The following EPHA3 variants were observed in gnomAD, a reference collection of about 807,000 sequenced individuals.
EPHA3 encodes the protein ephrin type-A receptor 3.
EPHA3 carries 42 observed loss-of-function variants against 107.1 expected under a neutral mutation model. The ratio of observed to expected loss-of-function variants is 0.39; its 90% confidence interval spans 0.31 to 0.51. EPHA3 has a LOEUF of 0.51. Ranked by LOEUF, EPHA3 falls within the 20% of genes least tolerant of loss-of-function variation. The probability of loss-of-function intolerance (pLI) is 0.78; values close to 1 mark genes in which losing one functional copy is unlikely to be tolerated. For synonymous variants in EPHA3, 461 were observed against 424.8 expected, an observed-to-expected ratio of 1.09 and a Z score of -1.05; for missense variants, 1,183 against 1,211.2, an observed-to-expected ratio of 0.98 and a Z score of 0.35.
intron 6 of EPHA3, among the ~76,000 whole-genome samples, chr3:89,398,892 G>A (rs555598964): frequency 5.0e-4 from 76 of 152,202 alleles, no homozygotes; most frequent in Non-Finnish European, 9.0e-4. Flanking sequence ...CACTTTGGGC[G>A]GCCGAGGCAG....
chr3:89,176,347 C>T (rs533844416), intron 2 of EPHA3, among the ~76,000 whole-genome samples: 29 of 151,228 alleles, frequency 1.9e-4, no homozygotes, highest in Admixed American at 4.0e-4. Flanking sequence ...TAGCTGGGTG[C>T]GGTGGTGCAT....
At chr3:89,320,009 T>C (rs1707005999) in intron 3 of EPHA3, among the ~76,000 whole-genome samples, 1 of 151,898 alleles carries the variant, frequency 6.6e-6, no homozygotes, top group Non-Finnish European at 1.5e-5. Context: ...CAAGTATGTA[T>C]TTAAGCATGA....
Position 89,107,684 on chromosome 3 carries a change from C to G in EPHA3, c.-65C>G. ...TAACTTCTCCAGCAATCAGAGCGCT[C>G]CCCCTCACATCAGTGGCATGCTTCA... On this transcript the variant is annotated 5_prime_UTR_variant, in exon 1 of 17. Transcript: ENST00000336596. 5 of 1,441,702 alleles carry G rather than the reference C, an allele frequency of 3.5e-6. No individual in the cohort carries two copies. Among genetic ancestry groups the G allele is most frequent in the Non-Finnish European group, 4.9e-6 (5 of 1,027,138 alleles). The allele number at this position is 1,441,702 out of a possible 1,614,324, so 89.3% of individuals were successfully genotyped here. A position where few individuals can be genotyped will look rare whatever the true frequency, so the allele number is the denominator to read the frequency against.
Position 89,466,696 on chromosome 3 carries a change from C to T in EPHA3, c.2691-5768C>T, listed in dbSNP as rs1221805825. On this transcript the variant is annotated intron_variant, in intron 15 of 16. Transcript: ENST00000336596. ...GCCTCGCCCTGCTTCGGCTCGCGCA[C>T]GGTGCGCACACACACTGGCCTGCGC... Among the ~76,000 whole-genome samples, 15 of 132,652 alleles carry T rather than the reference C, an allele frequency of 1.1e-4. 3 individuals are homozygous for T. Among genetic ancestry groups the T allele is most frequent in the Admixed American group, 5.2e-4 (7 of 13,368 alleles). 87.0% of individuals were successfully genotyped at this position (132,652 alleles called of 152,430 possible).
chr3:89,288,395 T>C (rs773562192), intron 3 of EPHA3, among the ~76,000 whole-genome samples: 3 of 152,152 alleles, frequency 2.0e-5, no homozygotes, highest in Non-Finnish European at 4.4e-5. Flanking sequence ...TTGACATTTA[T>C]AGCCACTTCT....
At chr3:89,211,793 TCTTCTTCTTCTTCTTC>T (rs1704104600) in intron 3 of EPHA3, among the ~76,000 whole-genome samples, 2 of 112,086 alleles carry the variant, frequency 1.8e-5, no homozygotes, top group Admixed American at 1.8e-4. Context: ...TTCTTCTTCT[TCTTCTTCTTCTTCTTC>T]TTCTTCTTCT....
At chr3:89,408,264 A>G in intron 9 of EPHA3, 133 bp downstream of exon 9, 1 of 784,272 alleles carries the variant, frequency 1.3e-6, no homozygotes, top group South Asian at 1.7e-5. Context: ...AGTACATTAA[A>G]TTTATTTTAG....
intron 3 of EPHA3, among the ~76,000 whole-genome samples, chr3:89,330,042 G>A (rs1312972989): frequency 6.6e-6 from 1 of 151,790 alleles, no homozygotes; most frequent in African/African-American, 2.4e-5. Context: ...TTTCAAAAAA[G>A]AGGATTCTTT....
intron 2 of EPHA3, among the ~76,000 whole-genome samples, chr3:89,157,768 A>G (rs1704839059): frequency 6.6e-6 from 1 of 152,004 alleles, no homozygotes; most frequent in Admixed American, 6.6e-5. Context: ...AGCAGTAAGT[A>G]AAAGAGAACA....
At chr3:89,235,227 T>A (rs1414943971) in intron 3 of EPHA3, among the ~76,000 whole-genome samples, 3 of 151,874 alleles carry the variant, frequency 2.0e-5, no homozygotes, top group Non-Finnish European at 4.4e-5. Context: ...CAGCCTGGAT[T>A]TTCTTGACAA....
rs1301240674 is a variant in EPHA3, at chr3:89,399,750, G to C, written c.1594+270G>C. 35 of 1,177,408 alleles carry C rather than the reference G, an allele frequency of 3.0e-5. No individual in the cohort carries two copies. In the East Asian group the frequency reaches 1.2e-3, roughly 39 times the overall value. The allele number at this position is 1,177,408 out of a possible 1,614,324, so 72.9% of individuals were successfully genotyped here. A position where few individuals can be genotyped will look rare whatever the true frequency, so the allele number is the denominator to read the frequency against. The stretch of plus-strand genomic sequence containing the variant: ...TGTTTTTTTTTTTTAGCCATAAATT[G>C]CTTTTGAGGAACATTATTTAATATA... On this transcript the variant is annotated intron_variant, in intron 7 of 16. Transcript: ENST00000336596.
In EPHA3 at chr3:89,431,025, G is replaced by A. The variant is rs1709556436; in HGVS notation, c.2137-125G>A. On this transcript the variant is annotated intron_variant, in intron 12 of 16. Coordinates refer to ENST00000336596, the MANE Select transcript of EPHA3 (RefSeq NM_005233.6). ...TTTGCCACATATCTTTGTCTTGAGT[G>A]CTTAGGACTAAAGTGTGTATAGTCA... The A allele has an allele frequency of 2.3e-6, 2 of 887,520 alleles. 1 individual carries two copies. Among genetic ancestry groups the A allele is most frequent in the Non-Finnish European group, 3.4e-6 (2 of 591,390 alleles). The allele number at this position is 887,520 out of a possible 1,614,324, so 55.0% of individuals were successfully genotyped here.
chr3:89,460,675 C>G (rs1389966113), intron 15 of EPHA3, among the ~76,000 whole-genome samples: 2 of 148,010 alleles, frequency 1.4e-5, no homozygotes, highest in Admixed American at 1.4e-4. Flanking sequence ...ATCGAACAAC[C>G]AAAAGACAAT....
At chr3:89,242,431 G>GTGTT (rs761309556) in intron 3 of EPHA3, among the ~76,000 whole-genome samples, 4 of 152,002 alleles carry the variant, frequency 2.6e-5, no homozygotes, top group South Asian at 2.1e-4. Context: ...TTTTTGTTTT[G>GTGTT]TGTTTGTTTG....
chr3:89,239,242 T>A (rs1704838939), intron 3 of EPHA3, among the ~76,000 whole-genome samples: 1 of 152,224 alleles, frequency 6.6e-6, no homozygotes, highest in African/African-American at 2.4e-5. Context: ...GTAAATGCTG[T>A]CTTACCATGA....
intron 3 of EPHA3, among the ~76,000 whole-genome samples, chr3:89,228,454 G>C (rs1182834917): frequency 6.6e-6 from 1 of 151,836 alleles, no homozygotes; most frequent in Non-Finnish European, 1.5e-5. Context: ...GTCATTCAAC[G>C]TGTTAGGGAA....
chr3:89,413,820 T>G (rs1260140136), intron 10 of EPHA3, among the ~76,000 whole-genome samples: 1 of 151,736 alleles, frequency 6.6e-6, no homozygotes, highest in Non-Finnish European at 1.5e-5. Context: ...TTGTTCTAAT[T>G]ATTAATTTAA....
At chr3:89,325,849 T>C (rs2107388441) in intron 3 of EPHA3, among the ~76,000 whole-genome samples, 1 of 151,850 alleles carries the variant, frequency 6.6e-6, no homozygotes, top group Non-Finnish European at 1.5e-5. Flanking sequence ...AAAAGTTTCC[T>C]TAGTAAATGT....
chr3:89,180,362 C>G (rs1705414914), intron 2 of EPHA3, among the ~76,000 whole-genome samples: 1 of 151,606 alleles, frequency 6.6e-6, no homozygotes, highest in Admixed American at 6.6e-5. Flanking sequence ...AAGTTAGTTT[C>G]TCTTGATTTT....
Sources: gnomAD v4.1 joint callset for allele counts (sites outside exome capture counted in the v4.1 genomes callset) on GRCh38, gnomAD v4.1.1 for gene constraint, MANE v1.5 for transcripts, NCBI Gene and HGNC (gene_info 2026-07-23, HGNC 2026-07-21) for gene names.